The following MAST4 variants were observed in gnomAD, a reference collection of about 807,000 sequenced individuals.
The protein encoded by MAST4 is microtubule associated serine/threonine kinase family member 4.
A neutral mutation model predicts 162.7 loss-of-function variants in MAST4; 89 were observed. The observed-to-expected ratio is 0.55, with a 90% CI of 0.46 to 0.65. MAST4 has a LOEUF of 0.65. MAST4 is among the 30% of genes least tolerant of loss of function. The pLI, the probability that MAST4 is intolerant of heterozygous loss-of-function variation, is 0.00. For synonymous variants in MAST4, 1,479 were observed against 1,361.1 expected, an observed-to-expected ratio of 1.09 and a Z score of -1.91; for missense variants, 3,153 against 3,374.0, an observed-to-expected ratio of 0.93 and a Z score of 1.62.
chr5:67,061,801 C>A (rs181455126), intron 5 of MAST4, among the ~76,000 whole-genome samples: 1 of 143,610 alleles, frequency 7.0e-6, no homozygotes, highest in African/African-American at 2.6e-5. Context: ...TTTTCCTAAG[C>A]AGTGAAGAAG....
At chr5:66,985,404 C>A (rs1406395885) in intron 4 of MAST4, among the ~76,000 whole-genome samples, 1 of 152,182 alleles carries the variant, frequency 6.6e-6, no homozygotes, top group East Asian at 1.9e-4. Flanking sequence ...AGGCCCTTAA[C>A]ATGCCAGCAG....
chr5:66,989,870 A>G (rs979283626), intron 4 of MAST4, among the ~76,000 whole-genome samples: 11 of 152,176 alleles, frequency 7.2e-5, no homozygotes, highest in Admixed American at 3.9e-4. Context: ...TTTGTAATCA[A>G]TGGCAGAATA....
intron 1 of MAST4, among the ~76,000 whole-genome samples, chr5:66,688,002 C>T (rs138621974): frequency 0.019 from 2,912 of 152,272 alleles, 26 homozygotes; most frequent in Middle Eastern, 0.034. Context: ...AGTAGTTGGA[C>T]TCTCCTTATG....
intron 4 of MAST4, among the ~76,000 whole-genome samples, chr5:67,040,229 C>T (rs1756562577): frequency 6.6e-6 from 1 of 151,838 alleles, no homozygotes; most frequent in South Asian, 2.1e-4. Context: ...AGGCATGATC[C>T]AGAAATATGG....
chr5:66,804,070 TACA>T (rs1188799842), intron 3 of MAST4, among the ~76,000 whole-genome samples: 32 of 152,266 alleles, frequency 2.1e-4, no homozygotes, highest in Admixed American at 1.6e-3. Flanking sequence ...CAGAAAAAAA[TACA>T]ACATTATCGT....
intron 4 of MAST4, among the ~76,000 whole-genome samples, chr5:67,018,094 C>T (rs1179326013): frequency 2.0e-5 from 3 of 151,886 alleles, no homozygotes; most frequent in Admixed American, 1.3e-4. Flanking sequence ...CTGTGTCATC[C>T]TCTTTAAAAA....
At chr5:66,645,524 A>G (rs900774250) in intron 1 of MAST4, among the ~76,000 whole-genome samples, 1 of 152,162 alleles carries the variant, frequency 6.6e-6, no homozygotes, top group African/African-American at 2.4e-5. Context: ...AAGTTGTGGA[A>G]TATTTCTTTC....
At chr5:66,872,151 T>TTTTGTTTGTTTGTTGG (rs376292192) in intron 3 of MAST4, among the ~76,000 whole-genome samples, 1 of 150,198 alleles carries the variant, frequency 6.7e-6, no homozygotes, top group Non-Finnish European at 1.5e-5. Flanking sequence ...GATATAAATT[T>TTTTGTTTGTTTGTTGG]TTTGTTTGTT....
intron 1 of MAST4, among the ~76,000 whole-genome samples, chr5:66,741,222 T>C (rs1752459875): frequency 6.6e-6 from 1 of 152,226 alleles, no homozygotes; most frequent in Non-Finnish European, 1.5e-5. Flanking sequence ...CAGTCTTCTC[T>C]GGTCACTAAT....
At chr5:66,986,392 A>C in intron 4 of MAST4, 1 of 1,220,016 alleles carries the variant, frequency 8.2e-7, no homozygotes, top group Non-Finnish European at 1.2e-6. Flanking sequence ...TTAGAAAGAA[A>C]ATCTGTAAAT....
intron 2 of MAST4, among the ~76,000 whole-genome samples, chr5:66,773,540 G>A (rs1483355186): frequency 6.6e-6 from 1 of 152,208 alleles, no homozygotes; most frequent in Non-Finnish European, 1.5e-5. Context: ...ATCATGTCAT[G>A]GTTTGTGTCC....
At chr5:67,092,946 T>C (rs939075593) in intron 6 of MAST4, among the ~76,000 whole-genome samples, 1 of 152,220 alleles carries the variant, frequency 6.6e-6, no homozygotes, top group Admixed American at 6.5e-5. Flanking sequence ...ACCTTCAGAA[T>C]TCTGGAGTAG....
chr5:66,834,123 G>A (rs1216684823), intron 3 of MAST4, among the ~76,000 whole-genome samples: 2 of 152,282 alleles, frequency 1.3e-5, no homozygotes, highest in East Asian at 3.9e-4. Context: ...GCAGGGTCCA[G>A]GCAATGAAAA....
intron 1 of MAST4, among the ~76,000 whole-genome samples, chr5:66,700,792 T>C (rs561030772): frequency 0.026 from 2,815 of 110,160 alleles, 88 homozygotes; most frequent in African/African-American, 0.093. Context: ...TATATATATA[T>C]ATATATATAC....
intron 4 of MAST4, among the ~76,000 whole-genome samples, chr5:67,020,381 A>G (rs559446493): frequency 2.6e-5 from 4 of 152,336 alleles, no homozygotes; most frequent in Admixed American, 2.6e-4. Flanking sequence ...CCTTCCAACA[A>G]TCTGCCACAT....
chr5:66,921,482 C>G (rs775990852), intron 4 of MAST4, among the ~76,000 whole-genome samples: 10 of 152,108 alleles, frequency 6.6e-5, no homozygotes, highest in Non-Finnish European at 1.2e-4. Context: ...TGCGGCCAGG[C>G]ATGGTGGCTC....
intron 4 of MAST4, among the ~76,000 whole-genome samples, chr5:66,906,812 T>G (rs959561282): frequency 2.6e-5 from 4 of 152,182 alleles, no homozygotes; most frequent in African/African-American, 7.2e-5. Context: ...AATGAACTTA[T>G]TTTACCACTT....
At chr5:66,749,704 TG>T (rs1388107936) in intron 1 of MAST4, among the ~76,000 whole-genome samples, 1 of 152,248 alleles carries the variant, frequency 6.6e-6, no homozygotes, top group African/African-American at 2.4e-5. Context: ...TCATCCTTAC[TG>T]CCACCCCAGT....
chr5:66,903,061 C>T (rs1763112157), intron 4 of MAST4, among the ~76,000 whole-genome samples: 1 of 152,084 alleles, frequency 6.6e-6, no homozygotes, highest in African/African-American at 2.4e-5. Flanking sequence ...AAGCAAATTC[C>T]AGGTACAAGA....
Sources: gnomAD v4.1 joint callset for allele counts (sites outside exome capture counted in the v4.1 genomes callset) on GRCh38, gnomAD v4.1.1 for gene constraint, MANE v1.5 for transcripts, NCBI Gene and HGNC (gene_info 2026-07-23, HGNC 2026-07-21) for gene names.